CCDC141: variants seen among roughly 807,000 people sequenced by gnomAD.
CCDC141 encodes coiled-coil domain-containing protein 141.
In CCDC141, 168 loss-of-function variants were observed where a neutral mutation model predicts 181.0. The ratio of observed to expected loss-of-function variants is 0.93; its 90% CI spans 0.82 to 1.05. The LOEUF is 1.05. Among genes scored for constraint, CCDC141 ranks in the 50% least tolerant of loss-of-function variants. The pLI, the probability that CCDC141 is intolerant of heterozygous loss-of-function variation, is 0.00. For synonymous variants in CCDC141, 666 were observed against 642.3 expected (o/e 1.04, Z -0.56); for missense variants, 1,902 against 1,788.5 (o/e 1.06, Z -1.14).
chr2:179,026,412 C>T (rs541781989), intron 2 of CCDC141, among the ~76,000 whole-genome samples: 5 of 152,336 alleles, frequency 3.3e-5, no homozygotes, highest in Middle Eastern at 6.8e-3. Context: ...TGGCATCTTC[C>T]ATGTGATGTT....
intron 2 of CCDC141, among the ~76,000 whole-genome samples, chr2:179,015,119 ATATATATAT>A (rs2042423500): frequency 6.5e-5 from 1 of 15,336 alleles, no homozygotes; most frequent in East Asian, 4.4e-3. Flanking sequence ...ATATATAATC[ATATATATAT>A]ATCATATCAT....
chr2:178,831,004 A>G lies in CCDC141; in HGVS notation c.*3169T>C, dbSNP rs954543172. ...TTGTAAAGGGTCTATGAACTACTTG[A>G]GGAAATTTAAATTTGAGCAAAGCAG... On this transcript the variant is annotated 3_prime_UTR_variant, in exon 24 of 24. Coordinates refer to ENST00000443758, the MANE Select transcript of CCDC141 (RefSeq NM_173648.4). 3.3e-5 allele frequency: 5 copies of G among 152,200 alleles called. No homozygotes were observed. Among genetic ancestry groups the G allele is most frequent in the African/African-American group, 1.2e-4 (5 of 41,450 alleles). The allele number at this position is 152,200 out of a possible 1,614,324, so 9.4% of individuals were successfully genotyped here.
At chr2:178,970,318 T>A (rs1319373969) in intron 4 of CCDC141, among the ~76,000 whole-genome samples, 3 of 152,028 alleles carry the variant, frequency 2.0e-5, no homozygotes, top group Admixed American at 6.6e-5. Flanking sequence ...GCCAAGACAA[T>A]CCTGGGCAAG....
intron 22 of CCDC141, among the ~76,000 whole-genome samples, chr2:178,842,370 C>T (rs758557542): frequency 2.0e-5 from 3 of 152,238 alleles, no homozygotes; most frequent in Non-Finnish European, 4.4e-5. Flanking sequence ...GCCCCTCAAA[C>T]ATCTTACCCA....
chr2:178,937,779 A>G (rs1367738083), intron 6 of CCDC141, among the ~76,000 whole-genome samples: 1 of 151,998 alleles, frequency 6.6e-6, no homozygotes, highest in Non-Finnish European at 1.5e-5. Context: ...TCTGAGAATC[A>G]ATTTCTTCAT....
At chr2:178,928,387 G>C (rs558625134) in intron 6 of CCDC141, among the ~76,000 whole-genome samples, 2 of 152,154 alleles carry the variant, frequency 1.3e-5, no homozygotes. Context: ...GGTTGTAGGC[G>C]GTTCACAGAT....
chr2:178,867,184 A>G (rs758219533), intron 16 of CCDC141, among the ~76,000 whole-genome samples: 1 of 152,220 alleles, frequency 6.6e-6, no homozygotes, highest in Non-Finnish European at 1.5e-5. Context: ...TTTTATGGGT[A>G]AGGTGGGAAT....
At chr2:178,999,645 A>G (rs563004012) in intron 2 of CCDC141, among the ~76,000 whole-genome samples, 1 of 151,860 alleles carries the variant, frequency 6.6e-6, no homozygotes, top group African/African-American at 2.4e-5. Flanking sequence ...CTGTTGGCTG[A>G]CTCCCTAACA....
rs142162116 is a variant in CCDC141, at chr2:178,898,460, G to A, written c.1265+6869C>T. ...CAACAGAAAATGGACTAAGACAACT[G>A]TTATTACATACACTTGTAAGCATCA... On this transcript the variant is annotated intron_variant, in intron 8 of 23. Coordinates refer to ENST00000443758, the MANE Select transcript of CCDC141 (RefSeq NM_173648.4). 9.2e-5 allele frequency among the ~76,000 whole-genome samples: 14 copies of A among 152,244 alleles called. No homozygotes were observed. In the East Asian group the frequency reaches 2.1e-3, roughly 23 times the overall value.
chr2:178,901,268 C>T (rs1687674342), intron 8 of CCDC141, among the ~76,000 whole-genome samples: 1 of 152,132 alleles, frequency 6.6e-6, no homozygotes, highest in Admixed American at 6.5e-5. Flanking sequence ...AGGCCAGCAT[C>T]ATCCTGATAC....
intron 2 of CCDC141, among the ~76,000 whole-genome samples, chr2:179,015,856 ATATCTCATATATATCTCATATG>A (rs2042517253): frequency 2.1e-5 from 3 of 144,106 alleles, no homozygotes; most frequent in Admixed American, 7.2e-5. Flanking sequence ...TATCTCATAT[ATATCTCATATATATCTCATATG>A]TATCATATAT....
chr2:178,842,997 G>T (rs959254584), intron 22 of CCDC141, among the ~76,000 whole-genome samples: 1 of 152,140 alleles, frequency 6.6e-6, no homozygotes, highest in Non-Finnish European at 1.5e-5. Context: ...TAGAGGGGGA[G>T]TGCAGGGACC....
chr2:178,900,265 T>C (rs1687621897), intron 8 of CCDC141, among the ~76,000 whole-genome samples: 1 of 152,062 alleles, frequency 6.6e-6, no homozygotes. Context: ...GTCTGCATCA[T>C]GAAAAACAGG....
intron 1 of CCDC141, among the ~76,000 whole-genome samples, chr2:179,047,827 G>T (rs1461670866): frequency 2.0e-5 from 3 of 152,118 alleles, no homozygotes; most frequent in East Asian, 1.9e-4. Flanking sequence ...ATTTCACCAT[G>T]GGGAAAGTTC....
intron 20 of CCDC141, among the ~76,000 whole-genome samples, chr2:178,850,367 A>G (rs1285212675): frequency 6.6e-6 from 1 of 152,234 alleles, no homozygotes; most frequent in African/African-American, 2.4e-5. Flanking sequence ...TTGCTGTACC[A>G]CGCCACTTGC....
intron 5 of CCDC141, among the ~76,000 whole-genome samples, chr2:178,950,963 T>C (rs1004773571): frequency 1.3e-5 from 2 of 152,204 alleles, no homozygotes; most frequent in Admixed American, 6.5e-5. Context: ...CTTCTTAACA[T>C]TGCCCACAAC....
intron 8 of CCDC141, among the ~76,000 whole-genome samples, chr2:178,896,442 G>A (rs937040920): frequency 6.6e-6 from 1 of 152,166 alleles, no homozygotes; most frequent in Admixed American, 6.6e-5. Flanking sequence ...GATTGTCCCT[G>A]AGGCCTGGTG....
chr2:178,969,861 T>C (rs1690805912), intron 4 of CCDC141, among the ~76,000 whole-genome samples: 2 of 152,234 alleles, frequency 1.3e-5, no homozygotes, highest in African/African-American at 2.4e-5. Flanking sequence ...GACATGATTG[T>C]ATATTTAGAA....
chr2:178,867,232 G>C (rs1685893967), intron 16 of CCDC141, among the ~76,000 whole-genome samples: 1 of 152,152 alleles, frequency 6.6e-6, no homozygotes, highest in South Asian at 2.1e-4. Flanking sequence ...TAAAATGATA[G>C]CTCTGGCCTG....
Sources: gnomAD v4.1 joint callset for allele counts (sites outside exome capture counted in the v4.1 genomes callset) on GRCh38, gnomAD v4.1.1 for gene constraint, MANE v1.5 for transcripts, NCBI Gene and HGNC (gene_info 2026-07-23, HGNC 2026-07-21) for gene names.